FOXK1: variants seen among roughly 807,000 people sequenced by gnomAD.
FOXK1 encodes forkhead box protein K1.
FOXK1 carries 19 observed loss-of-function variants against 51.9 expected under a neutral mutation model. The observed-to-expected ratio is 0.37, with a 90% CI of 0.26 to 0.54. The LOEUF is 0.54. Ranked by LOEUF, FOXK1 falls within the 20% of genes least tolerant of loss-of-function variation. The probability of loss-of-function intolerance (pLI) is 0.87; values close to 1 mark genes in which losing one functional copy is unlikely to be tolerated. For missense variants in FOXK1, 870 were observed against 1,032.7 expected (o/e 0.84, Z 2.16); for synonymous variants, 537 against 482.6 (o/e 1.11, Z -1.48).
In FOXK1 at chr7:4,749,884, C is replaced by G. The variant is rs1158261080; in HGVS notation, c.747-4575C>G. Among the ~76,000 whole-genome samples, 2 of 152,192 alleles carry G rather than the reference C, an allele frequency of 1.3e-5. No homozygotes were observed. Among genetic ancestry groups the G allele is most frequent in the African/African-American group, 4.8e-5 (2 of 41,444 alleles). ...AGCGTGACTTCTCATCATAACGTGA[C>G]CCAGCGACCTGTGTGTCCCACAGCC... is the stretch of plus-strand genomic sequence containing the variant. On this transcript the variant is annotated intron_variant, in intron 2 of 8. Coordinates refer to ENST00000328914, the MANE Select transcript of FOXK1 (RefSeq NM_001037165.2). The surrounding 1 kb of genome is among the most constrained non-coding windows in gnomAD (Gnocchi z 6.0).
chr7:4,747,878 T>C lies in FOXK1; in HGVS notation c.747-6581T>C, dbSNP rs1780725569. On this transcript the variant is annotated intron_variant, in intron 2 of 8. Coordinates refer to ENST00000328914, the MANE Select transcript of FOXK1 (RefSeq NM_001037165.2). This position sits in a 1 kb window ranked among gnomAD's most constrained non-coding sequence, Gnocchi z 9.2. ...TGTTTTGTTTTGAAGCAGGGTCTTG[T>C]TCTGACACCCAGGCCGGAGTGCAGT... is the stretch of plus-strand genomic sequence containing the variant. Among the ~76,000 whole-genome samples, 1 of 146,926 alleles carries C rather than the reference T, an allele frequency of 6.8e-6. No homozygotes were observed. Among genetic ancestry groups the C allele is most frequent in the South Asian group, 2.2e-4 (1 of 4,582 alleles).
rs1001239367 is a variant in FOXK1 at position 4,682,845 on chromosome 7, G to T, written c.537G>T (p.Ala179=). The change falls in exon 1 of 9, where the codon GCG becomes GCT. Residue 179 remains alanine (A), a synonymous_variant. Transcript: ENST00000328914. The surrounding 1 kb of genome is among the most constrained non-coding windows in gnomAD (Gnocchi z 7.6). The part of the protein sequence containing the change: ...FVDGAFQRRG[A]PALQLPKQCT... The stretch of plus-strand genomic sequence containing the variant: ...ACGGGGCCTTCCAGAGACGCGGCGC[G>T]CCCGCCCTGCAGCTGCCCAAGCAGT... 1 of 1,558,550 alleles carries T rather than the reference G, an allele frequency of 6.4e-7. No individual in the cohort carries two copies. Among genetic ancestry groups the T allele is most frequent in the East Asian group, 2.4e-5 (1 of 42,280 alleles).
chr7:4,725,324 A>G (rs922988635), intron 1 of FOXK1, among the ~76,000 whole-genome samples: 1 of 152,224 alleles, frequency 6.6e-6, no homozygotes, highest in Admixed American at 6.5e-5. Context: ...CACAGAGCCC[A>G]GTCCCTTGGT....
intron 1 of FOXK1, among the ~76,000 whole-genome samples, chr7:4,692,802 C>T (rs991246074): frequency 2.6e-5 from 4 of 152,078 alleles, no homozygotes; most frequent in Middle Eastern, 3.2e-3. Flanking sequence ...TCATAGCTCA[C>T]TGCAGCCTTG....
rs747659314 is a variant in FOXK1 at position 4,758,229 on chromosome 7, C to G, written c.1245-822C>G. On this transcript the variant is annotated intron_variant, in intron 5 of 8. Transcript: ENST00000328914. The surrounding 1 kb of genome is among the most constrained non-coding windows in gnomAD (Gnocchi z 4.4). ...GATGCTGGGAACGCAGCTCTGCTGC[C>G]GGCGGGGTGGACAGACCCTCCCCCA... The G allele has an allele frequency of 6.6e-6, 1 of 152,288 alleles. No individual in the cohort carries two copies. The highest frequency in any genetic ancestry group is 1.5e-5 in the Non-Finnish European group (1 of 68,082). 9.4% of individuals were successfully genotyped at this position (152,288 alleles called of 1,614,324 possible). A position where few individuals can be genotyped will look rare whatever the true frequency, so the allele number is the denominator to read the frequency against.
intron 1 of FOXK1, among the ~76,000 whole-genome samples, chr7:4,685,576 A>G (rs924045862): frequency 3.3e-5 from 5 of 149,526 alleles, no homozygotes; most frequent in African/African-American, 9.9e-5. Flanking sequence ...AAGTAGTCAC[A>G]TATGTAGAAC....
rs1184051004 is a variant in FOXK1, at chr7:4,722,205, G to A, written c.561-18633G>A. ...TGTCTCAGCAGATGCTGGATTTCACGTCCACGGCCGCCTGGAAATAAATGC... is the reference window on the plus strand; with the variant it reads ...TGTCTCAGCAGATGCTGGATTTCACATCCACGGCCGCCTGGAAATAAATGC... On this transcript the variant is annotated intron_variant, in intron 1 of 8. Coordinates refer to ENST00000328914, the MANE Select transcript of FOXK1 (RefSeq NM_001037165.2). This position sits in a 1 kb window ranked among gnomAD's most constrained non-coding sequence, Gnocchi z 5.1. Among the ~76,000 whole-genome samples the A allele has an allele frequency of 2.6e-5, 4 of 152,174 alleles. No homozygotes were observed. Among genetic ancestry groups the A allele is most frequent in the Non-Finnish European group, 2.9e-5 (2 of 68,046 alleles).
chr7:4,737,782 C>T (rs1270652688), intron 1 of FOXK1, among the ~76,000 whole-genome samples: 2 of 152,146 alleles, frequency 1.3e-5, no homozygotes, highest in South Asian at 2.1e-4. Context: ...AAGCTAACAG[C>T]CCCCAGGACT....
Position 4,682,402 on chromosome 7 carries a change from G to T in FOXK1, c.94G>T (p.Ala32Ser). Residue 32 changes from alanine to serine, a missense_variant, in exon 1 of 9, where the codon GCC (alanine) becomes TCC (serine). Ala to Ser is a moderately conservative substitution (Grantham distance 99). Transcript: ENST00000328914. The surrounding 1 kb of genome is among the most constrained non-coding windows in gnomAD (Gnocchi z 7.6). ...AGTGCTGTGCGCCGCAGCCGCCGCC[G>T]CCGCCTTCCCCGCGGCCGCACCCCC... ...SPVLCAAAAA[A>S]AFPAAAPPPA... 1.0e-6 allele frequency: 1 copy of T among 981,206 alleles called. No homozygotes were observed. The highest frequency in any genetic ancestry group is 1.2e-6 in the Non-Finnish European group (1 of 828,596). 60.8% of individuals were successfully genotyped at this position (981,206 alleles called of 1,614,324 possible). A position where few individuals can be genotyped will look rare whatever the true frequency, so the allele number is the denominator to read the frequency against.
intron 2 of FOXK1, among the ~76,000 whole-genome samples, chr7:4,741,325 T>G (rs1780631249): frequency 7.8e-6 from 1 of 128,566 alleles, no homozygotes; most frequent in African/African-American, 5.1e-5. Flanking sequence ...TTGAAAATGT[T>G]TTTTTTTTGT....
Position 4,765,322 on chromosome 7 carries a change from C to T in FOXK1, c.*2858C>T, listed in dbSNP as rs534753142. Reference sequence around the variant, plus strand: ...GGGTTGCATGTCCCGGCCACAAAGCCCTCCCTGTGTGCCCTGAGCCAGCCC... The same window carrying T: ...GGGTTGCATGTCCCGGCCACAAAGCTCTCCCTGTGTGCCCTGAGCCAGCCC... On this transcript the variant is annotated 3_prime_UTR_variant, in exon 9 of 9. Transcript: ENST00000328914. 2 of 152,406 alleles carry T rather than the reference C, an allele frequency of 1.3e-5. No individual in the cohort carries two copies. The highest frequency in any genetic ancestry group is 4.1e-4 in the South Asian group (2 of 4,830). 9.4% of individuals were successfully genotyped at this position (152,406 alleles called of 1,614,324 possible).
rs1780836525 is a variant in FOXK1, at chr7:4,755,596, G to A, written c.1050+213G>A. 6.6e-6 allele frequency among the ~76,000 whole-genome samples: 1 copy of A among 152,148 alleles called. No homozygotes were observed. Among genetic ancestry groups the A allele is most frequent in the South Asian group, 2.1e-4 (1 of 4,828 alleles). ...TTCTACTAAAAATTAGCTGAGTGTGGTGGTGCACACCTGTGGTCGCAGCTA... is the reference window on the plus strand; with the variant it reads ...TTCTACTAAAAATTAGCTGAGTGTGATGGTGCACACCTGTGGTCGCAGCTA... On this transcript the variant is annotated intron_variant, in intron 4 of 8. Transcript: ENST00000328914. This position sits in a 1 kb window ranked among gnomAD's most constrained non-coding sequence, Gnocchi z 6.6.
intron 1 of FOXK1, among the ~76,000 whole-genome samples, chr7:4,713,340 C>T (rs1268427191): frequency 6.6e-6 from 1 of 152,044 alleles, no homozygotes; most frequent in Non-Finnish European, 1.5e-5. Context: ...GATTCCCGCT[C>T]ACTGGGATTC....
At position 4,729,212 on chromosome 7, in the gene FOXK1, C is replaced by T. The variant is rs984919653; in HGVS notation, c.561-11626C>T. Among the ~76,000 whole-genome samples the T allele has an allele frequency of 2.6e-5, 4 of 152,198 alleles. No homozygotes were observed. The highest frequency in any genetic ancestry group is 5.9e-5 in the Non-Finnish European group (4 of 68,038). Reference sequence around the variant, plus strand: ...GTGATTTCGGAGCCTACTCTCCGATCCTCAGGATCCTCTTCGGGAGCAGCA... The same window carrying T: ...GTGATTTCGGAGCCTACTCTCCGATTCTCAGGATCCTCTTCGGGAGCAGCA... On this transcript the variant is annotated intron_variant, in intron 1 of 8. Transcript: ENST00000328914. The surrounding 1 kb of genome is among the most constrained non-coding windows in gnomAD (Gnocchi z 6.2).
Position 4,730,227 on chromosome 7 carries a change from C to T in FOXK1, c.561-10611C>T, listed in dbSNP as rs778552871. 6.6e-6 allele frequency among the ~76,000 whole-genome samples: 1 copy of T among 152,144 alleles called. No homozygotes were observed. The highest frequency in any genetic ancestry group is 1.5e-5 in the Non-Finnish European group (1 of 68,026). ...AACTTATAAACACTAAAACTGCTACCGGGTTTTAATTCACACACACCACGC... is the reference window on the plus strand; with the variant it reads ...AACTTATAAACACTAAAACTGCTACTGGGTTTTAATTCACACACACCACGC... On this transcript the variant is annotated intron_variant, in intron 1 of 8. Transcript: ENST00000328914. The surrounding 1 kb of genome is among the most constrained non-coding windows in gnomAD (Gnocchi z 4.7).
chr7:4,683,021 CG>C lies in FOXK1; in HGVS notation c.560+157del, dbSNP rs1487413854. On this transcript the variant is annotated intron_variant, in intron 1 of 8. Transcript: ENST00000328914. The surrounding 1 kb of genome is among the most constrained non-coding windows in gnomAD (Gnocchi z 4.5). ...GGTAACCCCCGACCGGCCTGGACTC[CG>C]GGGTCAACCCCGACCCCCGCCTCCT... is the stretch of plus-strand genomic sequence containing the variant. 6.7e-6 allele frequency among the ~76,000 whole-genome samples: 1 copy of C among 149,722 alleles called. No homozygotes were observed. Among genetic ancestry groups the C allele is most frequent in the Non-Finnish European group, 1.5e-5 (1 of 67,080 alleles).
At chr7:4,713,433 C>T (rs546222828) in intron 1 of FOXK1, among the ~76,000 whole-genome samples, 14 of 151,824 alleles carry the variant, frequency 9.2e-5, no homozygotes, top group African/African-American at 2.9e-4. Flanking sequence ...GCTTCTGGGC[C>T]GGGAAAGCCC....
intron 1 of FOXK1, among the ~76,000 whole-genome samples, chr7:4,714,060 G>A (rs551579580): frequency 8.5e-5 from 13 of 152,048 alleles, no homozygotes; most frequent in Non-Finnish European, 1.6e-4. Context: ...TCCTGACCTC[G>A]GGTGATCCAC....
At chr7:4,746,733 C>T (rs1392731450) in intron 2 of FOXK1, among the ~76,000 whole-genome samples, 8 of 152,164 alleles carry the variant, frequency 5.3e-5, no homozygotes, top group African/African-American at 9.7e-5. Flanking sequence ...TGCAGCCTTC[C>T]GTGTGTTTTC....
Sources: allele counts gnomAD v4.1 joint callset (sites outside exome capture counted in the v4.1 genomes callset), GRCh38; gene constraint gnomAD v4.1.1; non-coding constraint Gnocchi (gnomAD v3.1); transcripts MANE v1.5; gene names NCBI Gene and HGNC (gene_info 2026-07-23, HGNC 2026-07-21).